The following KDM5B variants were observed in gnomAD, a reference collection of about 807,000 sequenced individuals.
The protein encoded by KDM5B is lysine demethylase 5B, also known as lysine-specific demethylase 5B.
KDM5B carries 144 observed loss-of-function variants against 193.4 expected under a neutral mutation model. The ratio of observed to expected loss-of-function variants is 0.74; its 90% confidence interval spans 0.65 to 0.86. The LOEUF is 0.86. Ranked by LOEUF, KDM5B falls within the 40% of genes least tolerant of loss-of-function variation. The pLI is 0.00. For missense variants in KDM5B, 1,833 were observed against 1,886.9 expected (o/e 0.97, Z 0.53); for synonymous variants, 668 against 682.6 (o/e 0.98, Z 0.33).
intron 1 of KDM5B, among the ~76,000 whole-genome samples, chr1:202,786,095 G>T (rs1657399741): frequency 6.7e-6 from 1 of 148,990 alleles, no homozygotes; most frequent in South Asian, 2.1e-4. Context: ...GATCTCCTGG[G>T]CTCAAGTGAT....
Position 202,742,390 on chromosome 1 carries a change from C to T in KDM5B, c.2589+1G>A, listed in dbSNP as rs1655379382. 6.2e-7 allele frequency: 1 copy of T among 1,604,004 alleles called. No homozygotes were observed. The highest frequency in any genetic ancestry group is 8.5e-7 in the Non-Finnish European group (1 of 1,170,896). The stretch of plus-strand genomic sequence containing the variant: ...TCTCCCACACATCCCTCTATGGTTA[C>T]CTTTAGTAATGGTGTCTGACTGAGG... On this transcript the variant is annotated splice_donor_variant, in intron 18 of 26. Coordinates refer to ENST00000367265, the MANE Select transcript of KDM5B (RefSeq NM_006618.5). LOFTEE classifies it high-confidence loss of function.
rs1359031832 is a variant in KDM5B at position 202,729,176 on chromosome 1, G to C, written c.4498-3C>G. Reference sequence around the variant, plus strand: ...CCATCACACTGGACCCAGTCCACCTGGTTACAAAGAGCAGGAAGATGGGGT... The same window carrying C: ...CCATCACACTGGACCCAGTCCACCTCGTTACAAAGAGCAGGAAGATGGGGT... On this transcript the variant is annotated splice_polypyrimidine_tract_variant and splice_region_variant and intron_variant, in intron 26 of 26. Coordinates refer to ENST00000367265, the MANE Select transcript of KDM5B (RefSeq NM_006618.5). 2 of 1,613,984 alleles carry C rather than the reference G, an allele frequency of 1.2e-6. No homozygotes were observed. The highest frequency in any genetic ancestry group is 1.7e-6 in the Non-Finnish European group (2 of 1,179,938).
In KDM5B at chr1:202,728,727, C is replaced by T; in HGVS notation, c.*309G>A. 4.0e-6 allele frequency: 1 copy of T among 250,936 alleles called. No homozygotes were observed. The highest frequency in any genetic ancestry group is 7.8e-6 in the Non-Finnish European group (1 of 128,380). 15.5% of individuals were successfully genotyped at this position (250,936 alleles called of 1,614,324 possible). Reference sequence around the variant, plus strand: ...AGAGAGGTAAAATTTTAATGCTGTACATGAAAAGGTGCAAGCTTCAATGCC... The same window carrying T: ...AGAGAGGTAAAATTTTAATGCTGTATATGAAAAGGTGCAAGCTTCAATGCC... On this transcript the variant is annotated 3_prime_UTR_variant, in exon 27 of 27. Coordinates refer to ENST00000367265, the MANE Select transcript of KDM5B (RefSeq NM_006618.5).
chr1:202,738,733 G>A (rs572364703), intron 20 of KDM5B, among the ~76,000 whole-genome samples: 2 of 152,106 alleles, frequency 1.3e-5, no homozygotes, highest in African/African-American at 2.4e-5. Context: ...ATTGGTTTAT[G>A]ATGATAAGAG....
intron 1 of KDM5B, among the ~76,000 whole-genome samples, chr1:202,786,844 C>A (rs529144658): frequency 3.9e-5 from 6 of 152,144 alleles, no homozygotes; most frequent in Non-Finnish European, 8.8e-5. Context: ...GTCAGGAGTT[C>A]GAGACCAGCC....
chr1:202,793,999 C>G (rs566807689), intron 1 of KDM5B, among the ~76,000 whole-genome samples: 1 of 152,180 alleles, frequency 6.6e-6, no homozygotes, highest in South Asian at 2.1e-4. Context: ...CAAAATACAT[C>G]ATATTGGATG....
rs1654777568 is a variant in KDM5B, at chr1:202,729,102, C to T, written c.4569G>A (p.Glu1523=). The T allele has an allele frequency of 1.2e-6, 2 of 1,614,168 alleles. No homozygotes were observed. Among genetic ancestry groups the T allele is most frequent in the East Asian group, 4.5e-5 (2 of 44,890 alleles). ...AGATGTAGTCTTCTTTCTCTGCCAT[C>T]TCTGGGGAGACACCAACACAGACCT... The part of the protein sequence containing the change: ...FHQVCVGVSP[E]MAEKEDYICV... Residue 1523 remains glutamate, a synonymous_variant, in exon 27 of 27, where the codon GAG becomes GAA. Coordinates refer to ENST00000367265, the MANE Select transcript of KDM5B (RefSeq NM_006618.5).
chr1:202,753,944 G>A (rs894696899), intron 11 of KDM5B, among the ~76,000 whole-genome samples: 6 of 152,252 alleles, frequency 3.9e-5, no homozygotes, highest in East Asian at 1.9e-4. Flanking sequence ...GATTACAGGC[G>A]TGAGCCACCA....
chr1:202,796,961 C>G (rs181547749), intron 1 of KDM5B: 1 of 152,368 alleles, frequency 6.6e-6, no homozygotes, highest in African/African-American at 2.4e-5. Context: ...TGTGCCAAGT[C>G]GGGCATCAGA....
chr1:202,804,327 G>A (rs184774454), intron 1 of KDM5B, among the ~76,000 whole-genome samples: 1 of 152,022 alleles, frequency 6.6e-6, no homozygotes, highest in East Asian at 1.9e-4. Context: ...TTCTCTAAAC[G>A]TTAAAGGCTT....
chr1:202,740,663 T>G lies in KDM5B; in HGVS notation c.3084+11A>C. On this transcript the variant is annotated intron_variant, in intron 20 of 26. Transcript: ENST00000367265. ...CACTTACACATTCTGTATATACTTT[T>G]TAAAACCAACCTGCAGGCCCTCTAC... 1 of 1,610,116 alleles carries G rather than the reference T, an allele frequency of 6.2e-7. No homozygotes were observed. Among genetic ancestry groups the G allele is most frequent in the Non-Finnish European group, 8.5e-7 (1 of 1,178,552 alleles).
At position 202,748,621 on chromosome 1, in the gene KDM5B, C is replaced by T. The variant is rs1242575607; in HGVS notation, c.2016+324G>A. ...TGGTGGCTCACGCCTGTAATCCCAG[C>T]ACATTGGGAGGTTGAGTTGGGTGGA... On this transcript the variant is annotated intron_variant, in intron 14 of 26. Transcript: ENST00000367265. 3.3e-5 allele frequency among the ~76,000 whole-genome samples: 5 copies of T among 151,996 alleles called. 1 individual carries two copies. Among genetic ancestry groups the T allele is most frequent in the Admixed American group, 3.3e-4 (5 of 15,276 alleles).
rs899921098 is a variant in KDM5B, at chr1:202,767,265, G to C, written c.577-205C>G. On this transcript the variant is annotated intron_variant, in intron 4 of 26. Transcript: ENST00000367265. ...GCAGTTGGTGTCTTACTACAAGGAA[G>C]GGTATAGCAAACGCAGATCCAAAGT... 16 of 1,604,336 alleles carry C rather than the reference G, an allele frequency of 1.0e-5. 1 individual carries two copies. Among genetic ancestry groups the C allele is most frequent in the Middle Eastern group, 4.0e-4 (2 of 5,040 alleles).
At chr1:202,767,890 T>C (rs1656540916) in intron 4 of KDM5B, among the ~76,000 whole-genome samples, 2 of 152,138 alleles carry the variant, frequency 1.3e-5, no homozygotes, top group African/African-American at 2.4e-5. Context: ...CAATTTTCCA[T>C]ATTAAAAATC....
At chr1:202,731,625 G>C (rs1044993229) in intron 24 of KDM5B, among the ~76,000 whole-genome samples, 3 of 152,146 alleles carry the variant, frequency 2.0e-5, no homozygotes, top group Non-Finnish European at 4.4e-5. Context: ...GAGGACAATG[G>C]ATATAAAGTC....
chr1:202,732,954 T>G (rs1014385791), intron 23 of KDM5B, among the ~76,000 whole-genome samples: 2 of 152,158 alleles, frequency 1.3e-5, no homozygotes, highest in African/African-American at 2.4e-5. Flanking sequence ...GCTCAAACAC[T>G]TCTTCCAAAA....
intron 1 of KDM5B, among the ~76,000 whole-genome samples, chr1:202,780,217 G>A (rs763557271): frequency 1.3e-5 from 2 of 152,030 alleles, no homozygotes; most frequent in Non-Finnish European, 2.9e-5. Context: ...GTCTCATGCT[G>A]TCACCCAGGC....
rs1654759338 is a variant in KDM5B, at chr1:202,728,697, C to T, written c.*339G>A. 2 of 191,420 alleles carry T rather than the reference C, an allele frequency of 1.0e-5. No individual in the cohort carries two copies. Among genetic ancestry groups the T allele is most frequent in the African/African-American group, 2.3e-5 (1 of 42,604 alleles). 11.9% of individuals were successfully genotyped at this position (191,420 alleles called of 1,614,324 possible). On this transcript the variant is annotated 3_prime_UTR_variant, in exon 27 of 27. Transcript: ENST00000367265. ...GAGTTGGACTCTTAAGCTGGTAAAT[C>T]CCAGAGAGAGGTAAAATTTTAATGC...
intron 3 of KDM5B, 71 bp downstream of exon 3, chr1:202,774,542 A>C: frequency 6.9e-7 from 1 of 1,455,384 alleles, no homozygotes; most frequent in East Asian, 2.3e-5. Flanking sequence ...GTTCCTTTTT[A>C]AGGCAAAGAA....
Sources: gnomAD v4.1 joint callset for allele counts (sites outside exome capture counted in the v4.1 genomes callset) on GRCh38, gnomAD v4.1.1 for gene constraint, MANE v1.5 for transcripts, NCBI Gene and HGNC (gene_info 2026-07-23, HGNC 2026-07-21) for gene names.